Variants in COPE observed in about 807,000 individuals in gnomAD.
The protein encoded by COPE is coat protein complex I subunit epsilon.
A neutral mutation model predicts 42.1 loss-of-function variants in COPE; 19 were observed. The ratio of observed to expected loss-of-function variants is 0.45; its 90% CI spans 0.31 to 0.66. The LOEUF is 0.66. Ranked by LOEUF, COPE falls within the 30% of genes least tolerant of loss-of-function variation. COPE has a pLI of 0.05. For missense variants in COPE, 402 were observed against 416.1 expected (o/e 0.97, Z 0.30); for synonymous variants, 195 against 181.3 (o/e 1.08, Z -0.60).
chr19:18,904,379 A>G (rs907250713), intron 6 of COPE, among the ~76,000 whole-genome samples: 1 of 152,172 alleles, frequency 6.6e-6, no homozygotes, highest in South Asian at 2.1e-4. Context: ...GGAGCTGAGG[A>G]CATCTCCACC....
At chr19:18,912,933 C>T in intron 2 of COPE, 51 bp downstream of exon 2, 3 of 1,588,268 alleles carry the variant, frequency 1.9e-6, no homozygotes, top group Non-Finnish European at 2.6e-6. Context: ...TCCCCAGCCC[C>T]ACCCTCTACT....
At chr19:18,916,897 G>A (rs904536527) in intron 1 of COPE, among the ~76,000 whole-genome samples, 5 of 144,114 alleles carry the variant, frequency 3.5e-5, no homozygotes, top group Non-Finnish European at 1.5e-5. Context: ...GGAGGAGGAG[G>A]ATGCCACTGC....
chr19:18,903,535 G>C (rs1166125232), intron 6 of COPE, 112 bp from the exon 7 acceptor site: 17 of 1,287,234 alleles, frequency 1.3e-5, no homozygotes, highest in Non-Finnish European at 1.8e-5. Context: ...CGAATCTGGT[G>C]TGCCCGGTTC....
intron 1 of COPE, among the ~76,000 whole-genome samples, chr19:18,916,763 G>A (rs1316843424): frequency 6.6e-6 from 1 of 151,272 alleles, no homozygotes; most frequent in East Asian, 1.9e-4. Flanking sequence ...ACTCCAGCCT[G>A]GGCAACAGGG....
chr19:18,900,570 A>C, intron 7 of COPE, 121 bp from the exon 8 acceptor site: 1 of 683,490 alleles, frequency 1.5e-6, no homozygotes, highest in Non-Finnish European at 2.5e-6. Context: ...GGTGGGACTG[A>C]CACCGCCCAC....
At chr19:18,905,234 T>TGG (rs1332375736) in intron 5 of COPE, among the ~76,000 whole-genome samples, 2 of 151,860 alleles carry the variant, frequency 1.3e-5, no homozygotes, top group African/African-American at 2.4e-5. Context: ...GACCTGGTGA[T>TGG]GCCACGTGCA....
chr19:18,899,617 G>A lies in COPE; in HGVS notation c.*62C>T. ...TGCAGGTGGATGCCGGGTGGGGAGG[G>A]CTGCAGGGCTGGCTCCTGGCCTCTG... On this transcript the variant is annotated 3_prime_UTR_variant, in exon 10 of 10. Transcript: ENST00000262812. 1.3e-6 allele frequency: 2 copies of A among 1,586,792 alleles called. No homozygotes were observed. Among genetic ancestry groups the A allele is most frequent in the Non-Finnish European group, 8.6e-7 (1 of 1,156,904 alleles).
intron 1 of COPE, among the ~76,000 whole-genome samples, chr19:18,913,451 G>A (rs2056828875): frequency 6.6e-6 from 1 of 152,230 alleles, no homozygotes; most frequent in African/African-American, 2.4e-5. Flanking sequence ...CCCAGCCCTG[G>A]CCAGGGGAGA....
At chr19:18,902,435 C>T (rs1354684427) in intron 7 of COPE, among the ~76,000 whole-genome samples, 2 of 150,922 alleles carry the variant, frequency 1.3e-5, no homozygotes, top group South Asian at 2.1e-4. Context: ...GAGGCTGAGG[C>T]GGGTGGATCA....
rs537723146 is a variant in COPE at position 18,912,654 on chromosome 19, G to A, written c.189+330C>T. ...CGCCTGTAGTCCCAGCTACTTGGGAGGCTGAGACAGGAGAATCACTTGAAC... is the reference window on the plus strand; with the variant it reads ...CGCCTGTAGTCCCAGCTACTTGGGAAGCTGAGACAGGAGAATCACTTGAAC... On this transcript the variant is annotated intron_variant, in intron 2 of 9. Coordinates refer to ENST00000262812, the MANE Select transcript of COPE (RefSeq NM_007263.4). Among the ~76,000 whole-genome samples, 9 of 151,712 alleles carry A rather than the reference G, an allele frequency of 5.9e-5. No homozygotes were observed. In the South Asian group the frequency reaches 1.9e-3, roughly 32 times the overall value.
At chr19:18,912,752 A>G (rs1180080182) in intron 2 of COPE, among the ~76,000 whole-genome samples, 1 of 151,840 alleles carries the variant, frequency 6.6e-6, no homozygotes, top group Admixed American at 6.6e-5. Flanking sequence ...AAAAAAAAAA[A>G]AAAAATCAAG....
intron 1 of COPE, among the ~76,000 whole-genome samples, chr19:18,916,679 T>G (rs561123438): frequency 6.6e-6 from 1 of 150,820 alleles, no homozygotes; most frequent in Admixed American, 6.6e-5. Flanking sequence ...TCCCAGCTAC[T>G]AGGGAGGCTG....
intron 3 of COPE, 32 bp from the exon 4 acceptor site, chr19:18,907,144 TG>T: frequency 1.3e-6 from 2 of 1,599,938 alleles, no homozygotes; most frequent in Non-Finnish European, 1.7e-6. Flanking sequence ...GACCCACAGC[TG>T]GGGTGGCCTC....
chr19:18,905,960 A>G, intron 4 of COPE: 3 of 490,930 alleles, frequency 6.1e-6, no homozygotes, highest in Non-Finnish European at 1.1e-5. Context: ...ACTCAGGAAC[A>G]AGGCCCTAGA....
At position 18,903,260 on chromosome 19, in the gene COPE, G is replaced by C; in HGVS notation, c.735+8C>G. On this transcript the variant is annotated splice_region_variant and intron_variant, in intron 7 of 9. Transcript: ENST00000262812. ...TCCGTCCCCACTCTGGGACAGGCTTGTGCCTACCTTGTCTAGCGCCTCCTG... is the reference window on the plus strand; with the variant it reads ...TCCGTCCCCACTCTGGGACAGGCTTCTGCCTACCTTGTCTAGCGCCTCCTG... The C allele has an allele frequency of 1.3e-6, 2 of 1,572,656 alleles. No individual in the cohort carries two copies. The highest frequency in any genetic ancestry group is 2.3e-5 in the East Asian group (1 of 43,238).
At position 18,911,024 on chromosome 19, in the gene COPE, AG is replaced by A; in HGVS notation, c.236del (p.Pro79LeufsTer30). On this transcript the variant is annotated frameshift_variant, in exon 3 of 10. Transcript: ENST00000262812. LOFTEE classifies it high-confidence loss of function. The stretch of plus-strand genomic sequence containing the variant: ...CAAACATGCGCACGGCCTGGAGCTC[AG>A]GGGCCGAGGAGGGCTTGATCTCATC... ...VLDEIKPSSA[P>X]ELQAVRMFAD... 1 of 1,613,996 alleles carries A rather than the reference AG, an allele frequency of 6.2e-7. No homozygotes were observed. Among genetic ancestry groups the A allele is most frequent in the African/African-American group, 1.3e-5 (1 of 75,054 alleles).
At chr19:18,903,243 C>T (rs2146101704) in intron 7 of COPE, 25 bp downstream of exon 7, 1 of 1,542,976 alleles carries the variant, frequency 6.5e-7, no homozygotes, top group Non-Finnish European at 8.7e-7. Context: ...CCTCCGTCCC[C>T]ACTCTGGGAC....
At chr19:18,902,714 G>A (rs762748365) in intron 7 of COPE, among the ~76,000 whole-genome samples, 1,501 of 27,906 alleles carry the variant, frequency 0.054, 54 homozygotes, top group Non-Finnish European at 0.077. Context: ...AGGAAAGGAA[G>A]GAAAGGAAAG....
intron 5 of COPE, 133 bp from the exon 6 acceptor site, chr19:18,904,985 C>A: frequency 2.3e-6 from 2 of 874,366 alleles, no homozygotes; most frequent in South Asian, 1.6e-5. Context: ...CATGCTCATA[C>A]CCCACGACTA....
Sources: gnomAD v4.1 joint callset for allele counts (sites outside exome capture counted in the v4.1 genomes callset) on GRCh38, gnomAD v4.1.1 for gene constraint, MANE v1.5 for transcripts, NCBI Gene and HGNC (gene_info 2026-07-23, HGNC 2026-07-21) for gene names.